Variants in TMEM181 observed in about 807,000 individuals in gnomAD.
TMEM181 encodes the protein G protein-coupled receptor 178.
In TMEM181, 39 loss-of-function variants were observed where a neutral mutation model predicts 71.9. The ratio of observed to expected loss-of-function variants is 0.54; its 90% CI spans 0.42 to 0.71. The LOEUF is 0.71. Among genes scored for constraint, TMEM181 ranks in the 30% least tolerant of loss-of-function variants. TMEM181 has a pLI of 0.00. For synonymous variants in TMEM181, 245 were observed against 228.8 expected (o/e 1.07, Z -0.64); for missense variants, 595 against 583.0 (o/e 1.02, Z -0.21).
rs942899241 is a variant in TMEM181, at chr6:158,635,024, T to C, written c.*3136T>C. The stretch of plus-strand genomic sequence containing the variant: ...CCGGTTGCCTTAGAGGTTAGACTTT[T>C]GAAGAAAAAAAAAAAAAGATACAGA... On this transcript the variant is annotated 3_prime_UTR_variant, in exon 17 of 17. Coordinates refer to ENST00000684151, the MANE Select transcript of TMEM181 (RefSeq NM_001376852.1). 2.0e-5 allele frequency: 3 copies of C among 150,954 alleles called. No individual in the cohort carries two copies. The highest frequency in any genetic ancestry group is 1.9e-4 in the East Asian group (1 of 5,174). The allele number at this position is 150,954 out of a possible 1,614,324, so 9.4% of individuals were successfully genotyped here. A position where few individuals can be genotyped will look rare whatever the true frequency, so the allele number is the denominator to read the frequency against.
chr6:158,561,137 A>G (rs1457306941), intron 1 of TMEM181, among the ~76,000 whole-genome samples: 1 of 152,170 alleles, frequency 6.6e-6, no homozygotes, highest in Non-Finnish European at 1.5e-5. Context: ...TTTTTGAGGC[A>G]GAAGGGTTTT....
chr6:158,601,062 A>G (rs1784642755), intron 6 of TMEM181, among the ~76,000 whole-genome samples: 1 of 152,162 alleles, frequency 6.6e-6, no homozygotes, highest in Non-Finnish European at 1.5e-5. Flanking sequence ...GTTTATATCA[A>G]CACTCCCCCC....
chr6:158,563,627 T>C (rs1234105341), intron 1 of TMEM181, among the ~76,000 whole-genome samples: 1 of 152,236 alleles, frequency 6.6e-6, no homozygotes, highest in Non-Finnish European at 1.5e-5. Context: ...CCTACTTCCT[T>C]GTTCCCTGTG....
chr6:158,570,811 C>A (rs977691421), intron 1 of TMEM181, among the ~76,000 whole-genome samples: 5 of 152,078 alleles, frequency 3.3e-5, no homozygotes, highest in Non-Finnish European at 7.4e-5. Context: ...TTTGCATTTC[C>A]CCACCATCTA....
At chr6:158,580,807 A>C (rs569742459) in intron 2 of TMEM181, 133 bp from the exon 3 acceptor site, 1 of 708,442 alleles carries the variant, frequency 1.4e-6, no homozygotes, top group East Asian at 2.6e-5. Flanking sequence ...CACATTGTAT[A>C]ATCTCTAAAG....
At chr6:158,589,941 A>C (rs1186076677) in intron 6 of TMEM181, among the ~76,000 whole-genome samples, 159 bp downstream of exon 6, 2 of 152,224 alleles carry the variant, frequency 1.3e-5, no homozygotes, top group African/African-American at 4.8e-5. Context: ...CAGTTTCTTA[A>C]GTATATAGAA....
At chr6:158,623,082 G>A (rs1001812824) in intron 10 of TMEM181, among the ~76,000 whole-genome samples, 1 of 152,174 alleles carries the variant, frequency 6.6e-6, no homozygotes, top group African/African-American at 2.4e-5. Flanking sequence ...AGTGACCCAA[G>A]TGAGTCACCC....
At chr6:158,622,265 C>T (rs1172263246) in intron 10 of TMEM181, among the ~76,000 whole-genome samples, 2 of 152,154 alleles carry the variant, frequency 1.3e-5, no homozygotes, top group African/African-American at 4.8e-5. Context: ...AGTTGTGTGA[C>T]GTGCTCTCTC....
intron 10 of TMEM181, chr6:158,610,303 A>G: frequency 3.4e-6 from 1 of 291,798 alleles, no homozygotes; most frequent in Non-Finnish European, 7.0e-6. Context: ...GTGACAGCCA[A>G]AGGCCCCCCA....
chr6:158,544,218 T>TGTGTGTGTGTGTGTGTGTGTG (rs1554300407), intron 1 of TMEM181, among the ~76,000 whole-genome samples: 5 of 144,158 alleles, frequency 3.5e-5, no homozygotes, highest in African/African-American at 5.1e-5. Context: ...TGTGTGTGTG[T>TGTGTGTGTGTGTGTGTGTGTG]TGGGGTGAGG....
chr6:158,618,320 G>GTTGTTGTTT (rs1389244430), intron 10 of TMEM181, among the ~76,000 whole-genome samples: 1 of 151,838 alleles, frequency 6.6e-6, no homozygotes, highest in Admixed American at 6.6e-5. Flanking sequence ...TGTTGTTGTT[G>GTTGTTGTTT]TTGTTGTTGT....
chr6:158,603,221 C>G (rs1014239489), intron 6 of TMEM181, among the ~76,000 whole-genome samples: 1 of 152,196 alleles, frequency 6.6e-6, no homozygotes, highest in African/African-American at 2.4e-5. Context: ...CAGTGGTCCC[C>G]AGCCTTTTTG....
At chr6:158,573,040 GTGTGTATGTA>G (rs1407141697) in intron 1 of TMEM181, among the ~76,000 whole-genome samples, 1 of 152,106 alleles carries the variant, frequency 6.6e-6, no homozygotes, top group Non-Finnish European at 1.5e-5. Flanking sequence ...GTGTGTGCGT[GTGTGTATGTA>G]TGTGTGTGCA....
intron 3 of TMEM181, among the ~76,000 whole-genome samples, chr6:158,581,542 A>G (rs1562633819): frequency 6.6e-6 from 1 of 152,130 alleles, no homozygotes; most frequent in Non-Finnish European, 1.5e-5. Context: ...TCACGAGGTC[A>G]AGAGATTGAG....
intron 10 of TMEM181, chr6:158,609,650 G>A (rs1015839366): frequency 1.4e-5 from 3 of 207,600 alleles, no homozygotes; most frequent in Admixed American, 9.7e-5. Context: ...CCTGTATTAC[G>A]TCAGGTTGCT....
intron 1 of TMEM181, among the ~76,000 whole-genome samples, chr6:158,538,614 C>G (rs568104945): frequency 1.3e-5 from 2 of 152,184 alleles, no homozygotes; most frequent in African/African-American, 4.8e-5. Context: ...CTGGTAGTTA[C>G]TGAGCATTTT....
chr6:158,609,410 A>G (rs1377471735), intron 10 of TMEM181, among the ~76,000 whole-genome samples: 1 of 152,068 alleles, frequency 6.6e-6, no homozygotes, highest in Non-Finnish European at 1.5e-5. Flanking sequence ...TGGCAAACTC[A>G]TTGTACCCTC....
chr6:158,568,082 G>A (rs890372848), intron 1 of TMEM181, among the ~76,000 whole-genome samples: 2 of 152,092 alleles, frequency 1.3e-5, no homozygotes, highest in African/African-American at 4.8e-5. Context: ...GCGTGCTGGG[G>A]ATGAAGAGGA....
At chr6:158,628,139 T>TGGGG (rs1786435013) in intron 13 of TMEM181, 2 of 623,608 alleles carry the variant, frequency 3.2e-6, no homozygotes, top group Non-Finnish European at 6.0e-6. Flanking sequence ...GAGAGTGTGA[T>TGGGG]GGGGCCTGCA....
Sources: allele counts gnomAD v4.1 joint callset (sites outside exome capture counted in the v4.1 genomes callset), GRCh38; gene constraint gnomAD v4.1.1; transcripts MANE v1.5; gene names NCBI Gene and HGNC (gene_info 2026-07-23, HGNC 2026-07-21).